Variants in MET observed in about 807,000 individuals in gnomAD.
MET encodes hepatocyte growth factor receptor.
Under a neutral mutation model 133.1 loss-of-function variants are expected in MET, and 48 were observed. The observed-to-expected ratio is 0.36, with a 90% CI of 0.29 to 0.46. The LOEUF (loss-of-function observed/expected upper bound fraction) is 0.46, where lower values mean the gene tolerates loss of function less well. Among genes scored for constraint, MET ranks in the 20% least tolerant of loss-of-function variants. The pLI is 1.00. For synonymous variants in MET, 628 were observed against 616.5 expected, an observed-to-expected ratio of 1.02 and a Z score of -0.28; for missense variants, 1,442 against 1,695.9, an observed-to-expected ratio of 0.85 and a Z score of 2.63.
intron 11 of MET, among the ~76,000 whole-genome samples, chr7:116,767,792 T>G (rs1794679030): frequency 6.6e-6 from 1 of 150,692 alleles, no homozygotes; most frequent in Admixed American, 6.6e-5. Context: ...AATTTCTAAA[T>G]ATAAGTTTTT....
At chr7:116,672,819 C>A (rs2116419336) in intron 1 of MET, among the ~76,000 whole-genome samples, 1 of 152,068 alleles carries the variant, frequency 6.6e-6, no homozygotes, top group South Asian at 2.1e-4. Flanking sequence ...GGGAGAGGGG[C>A]GCTGGGACAG....
intron 2 of MET, among the ~76,000 whole-genome samples, chr7:116,705,868 G>C (rs571938291): frequency 6.6e-6 from 1 of 151,948 alleles, no homozygotes; most frequent in Non-Finnish European, 1.5e-5. Flanking sequence ...TTTATTAAAA[G>C]AAATTTAAAA....
chr7:116,689,929 C>T (rs12539654), intron 1 of MET, among the ~76,000 whole-genome samples: 9,335 of 152,024 alleles, frequency 0.061, 392 homozygotes, highest in African/African-American at 0.11. Context: ...GTATGGGAGG[C>T]TGTTACTGTG....
intron 1 of MET, among the ~76,000 whole-genome samples, chr7:116,689,259 C>T (rs1796686681): frequency 6.6e-6 from 1 of 152,052 alleles, no homozygotes; most frequent in Non-Finnish European, 1.5e-5. Context: ...AGAAGCAAAC[C>T]CAAATGAAAA....
At chr7:116,718,642 C>T (rs1299352731) in intron 2 of MET, among the ~76,000 whole-genome samples, 1 of 120,216 alleles carries the variant, frequency 8.3e-6, no homozygotes, top group South Asian at 3.4e-4. Context: ...TCCCTCCCCC[C>T]TCCCCCCACC....
intron 2 of MET, among the ~76,000 whole-genome samples, chr7:116,716,245 C>T (rs577297062): frequency 5.0e-5 from 6 of 121,156 alleles, no homozygotes; most frequent in African/African-American, 1.3e-4. Context: ...AGAGCCAGAG[C>T]CTTTCAAGCA....
chr7:116,754,761 G>A (rs1794060779), intron 5 of MET, among the ~76,000 whole-genome samples: 1 of 151,178 alleles, frequency 6.6e-6, no homozygotes, highest in Admixed American at 6.6e-5. Context: ...AGGCTGCAGT[G>A]AGCCATGATC....
chr7:116,687,254 T>C (rs1796595307), intron 1 of MET, among the ~76,000 whole-genome samples: 1 of 152,248 alleles, frequency 6.6e-6, no homozygotes. Context: ...TGTTTTCAGG[T>C]TGTCCTAACC....
chr7:116,737,477 G>A (rs1165686183), intron 3 of MET, among the ~76,000 whole-genome samples: 24 of 152,346 alleles, frequency 1.6e-4, no homozygotes, highest in Non-Finnish European at 1.3e-4. Flanking sequence ...TGCTCCAAGA[G>A]CCTAGCAGTT....
intron 1 of MET, among the ~76,000 whole-genome samples, chr7:116,697,641 T>A (rs1797010691): frequency 6.6e-6 from 1 of 152,190 alleles, no homozygotes; most frequent in African/African-American, 2.4e-5. Context: ...TATCTATTTG[T>A]TTAACACCTT....
chr7:116,773,119 C>T (rs1188280003), intron 14 of MET, among the ~76,000 whole-genome samples: 2 of 152,132 alleles, frequency 1.3e-5, no homozygotes, highest in African/African-American at 4.8e-5. Context: ...CTCACCAAAG[C>T]TCTGTCATCA....
chr7:116,699,652 G>GACC lies in MET; in HGVS notation c.569_571dup (p.Asp190_Arg191insHis). 1 of 1,613,950 alleles carries GACC rather than the reference G, an allele frequency of 6.2e-7. No homozygotes were observed. Among genetic ancestry groups the GACC allele is most frequent in the Non-Finnish European group, 8.5e-7 (1 of 1,179,962 alleles). On this transcript the variant is annotated inframe_insertion, in exon 2 of 21. Transcript: ENST00000397752. ...AGCCAAAGTCCTTTCATCTGTAAAGGACCGGTTCATCAACTTCTTTGTAGG... is the reference window on the plus strand; with the variant it reads ...AGCCAAAGTCCTTTCATCTGTAAAGGACCACCGGTTCATCAACTTCTTTGTAGG...
At chr7:116,692,433 A>G (rs76446249) in intron 1 of MET, among the ~76,000 whole-genome samples, 304 of 152,334 alleles carry the variant, frequency 2.0e-3, no homozygotes, top group African/African-American at 6.5e-3. Context: ...TCGGTGTTTG[A>G]ATGCAATATA....
At position 116,786,259 on chromosome 7, in the gene MET, G is replaced by A. The variant is rs79460379; in HGVS notation, c.3798+2790G>A. ...CATGAATGCCCACCCTCATGACCTT[G>A]TCTAAACTGAATTACCTCTAAATGG... On this transcript the variant is annotated intron_variant, in intron 19 of 20. Transcript: ENST00000397752. Among the ~76,000 whole-genome samples the A allele has an allele frequency of 1.3e-4, 20 of 152,260 alleles. No homozygotes were observed. The East Asian group carries it at 2.5e-3, about 19-fold the overall frequency.
chr7:116,689,569 TTTTTTTTTTTTTTTTTTGAGACAG>T (rs1796700175), intron 1 of MET, among the ~76,000 whole-genome samples: 1 of 135,864 alleles, frequency 7.4e-6, no homozygotes, highest in South Asian at 2.6e-4. Flanking sequence ...CTTTTTTTTT[TTTTTTTTTTTTTTTTTTGAGACAG>T]AGTCTGGCTC....
intron 1 of MET, among the ~76,000 whole-genome samples, chr7:116,673,689 G>A (rs1387267958): frequency 6.6e-6 from 1 of 152,224 alleles, no homozygotes; most frequent in Non-Finnish European, 1.5e-5. Context: ...TTTTCTGCAT[G>A]AAGATGATCT....
intron 3 of MET, among the ~76,000 whole-genome samples, chr7:116,738,376 G>C (rs1346491930): frequency 1.3e-5 from 2 of 152,092 alleles, no homozygotes; most frequent in Non-Finnish European, 2.9e-5. Flanking sequence ...CTGATATTCT[G>C]CTTGTAACCA....
intron 2 of MET, among the ~76,000 whole-genome samples, chr7:116,704,657 G>A (rs10234854): frequency 0.24 from 36,559 of 151,826 alleles, 4,501 homozygotes; most frequent in East Asian, 0.34. Context: ...TTCCAAAAAA[G>A]AGATGGGGTG....
intron 1 of MET, among the ~76,000 whole-genome samples, chr7:116,686,293 C>A (rs138177961): frequency 3.3e-5 from 5 of 152,246 alleles, no homozygotes; most frequent in South Asian, 2.1e-4. Flanking sequence ...TTCAGACACA[C>A]CAGGCACATT....
Sources: allele counts gnomAD v4.1 joint callset (sites outside exome capture counted in the v4.1 genomes callset), GRCh38; gene constraint gnomAD v4.1.1; transcripts MANE v1.5; gene names NCBI Gene and HGNC (gene_info 2026-07-23, HGNC 2026-07-21).